Variants in GPRC5D observed in about 807,000 individuals in gnomAD.
The protein encoded by GPRC5D is G protein-coupled receptor class C group 5 member D, also known as G protein-coupled receptor family C group 5 member D.
In GPRC5D, 20 loss-of-function variants were observed where a neutral mutation model predicts 29.3. The observed-to-expected ratio is 0.68, with a 90% CI of 0.48 to 0.99. The LOEUF (loss-of-function observed/expected upper bound fraction) is 0.99, where lower values mean the gene tolerates loss of function less well. Ranked by LOEUF, GPRC5D falls within the 50% of genes least tolerant of loss-of-function variation. The probability of loss-of-function intolerance (pLI) is 0.00; values close to 1 mark genes in which losing one functional copy is unlikely to be tolerated. For missense variants in GPRC5D, 384 were observed against 423.6 expected, an observed-to-expected ratio of 0.91 and a Z score of 0.82; for synonymous variants, 178 against 171.3, an observed-to-expected ratio of 1.04 and a Z score of -0.30.
At chr12:12,942,283 T>C in exon 2 of GPRC5D, 5 of 1,611,788 alleles carry the variant, frequency 3.1e-6, no homozygotes, top group Middle Eastern at 1.6e-4. Context: ...GGGAGTACCA[T>C]ATGAAGTTAA....
chr12:12,945,117 C>T (rs1203760621), intron 1 of GPRC5D, among the ~76,000 whole-genome samples: 1 of 151,276 alleles, frequency 6.6e-6, no homozygotes, highest in African/African-American at 2.4e-5. Context: ...GATTCTCCTG[C>T]CTCAGCCTCA....
chr12:12,949,811 A>G (rs1018954975), exon 1 of GPRC5D: 2 of 1,614,020 alleles, frequency 1.2e-6, no homozygotes, highest in South Asian at 1.1e-5. Flanking sequence ...GGGCCACAGA[A>G]GGTGGCTTTG....
chr12:12,944,818 C>T (rs759504257), intron 1 of GPRC5D, among the ~76,000 whole-genome samples: 8,668 of 18,050 alleles, frequency 0.48, 2,927 homozygotes, highest in Non-Finnish European at 0.67. Flanking sequence ...TCCTTCCTTC[C>T]TTCCTTCCTT....
chr12:12,941,643 T>C (rs1295734686), intron 2 of GPRC5D, among the ~76,000 whole-genome samples: 25 of 152,232 alleles, frequency 1.6e-4, no homozygotes. Flanking sequence ...CAGTGTGATG[T>C]TTTTGGCTGT....
chr12:12,940,792 C>T, exon 3 of GPRC5D: 1 of 1,604,990 alleles, frequency 6.2e-7, no homozygotes, highest in Non-Finnish European at 8.5e-7. Flanking sequence ...CCTCCTGCAT[C>T]TTGCTGGGGG....
intron 1 of GPRC5D, among the ~76,000 whole-genome samples, chr12:12,945,560 A>ATT (rs1291582257): frequency 6.6e-6 from 1 of 152,214 alleles, no homozygotes; most frequent in African/African-American, 2.4e-5. Flanking sequence ...ATATTCCAAA[A>ATT]TTTACCAACT....
intron 1 of GPRC5D, among the ~76,000 whole-genome samples, chr12:12,943,942 G>A (rs963172641): frequency 6.6e-6 from 1 of 152,132 alleles, no homozygotes; most frequent in African/African-American, 2.4e-5. Flanking sequence ...TTTATCTGTG[G>A]AGAAGGCAGG....
chr12:12,950,357 C>T, exon 1 of GPRC5D: 5 of 1,609,300 alleles, frequency 3.1e-6, no homozygotes, highest in Non-Finnish European at 4.2e-6. Flanking sequence ...AAATAGTCTC[C>T]AGTGGACTCG....
intron 1 of GPRC5D, 129 bp downstream of exon 2, chr12:12,949,361 T>C: frequency 1.3e-6 from 1 of 751,310 alleles, no homozygotes; most frequent in South Asian, 1.8e-5. Context: ...ATGCTTGAAC[T>C]ATGAAGCCAC....
At chr12:12,943,223 G>A (rs1234700924) in intron 1 of GPRC5D, among the ~76,000 whole-genome samples, 1 of 152,214 alleles carries the variant, frequency 6.6e-6, no homozygotes, top group East Asian at 1.9e-4. Context: ...TGTAAGCTCT[G>A]TGAAGACAGG....
At chr12:12,946,420 CTCTCTCTT>C (rs1226582516) in intron 1 of GPRC5D, among the ~76,000 whole-genome samples, 2 of 42,280 alleles carry the variant, frequency 4.7e-5, no homozygotes, top group South Asian at 1.1e-3. Flanking sequence ...CTCTTTCTCT[CTCTCTCTT>C]TCTCTCTTTC....
intron 1 of GPRC5D, among the ~76,000 whole-genome samples, chr12:12,946,436 TTCTC>T (rs67343880): frequency 0.81 from 115,051 of 142,428 alleles, 48,688 homozygotes; most frequent in Non-Finnish European, 0.91. Flanking sequence ...CTTTCTCTCT[TTCTC>T]TCTCTCTCTC....
At chr12:12,950,291 G>C (rs374307359) in exon 1 of GPRC5D, 2 of 1,613,240 alleles carry the variant, frequency 1.2e-6, no homozygotes, top group Non-Finnish European at 1.7e-6. Flanking sequence ...ACGATGCCAA[G>C]TATGGCCAGG....
At chr12:12,941,088 T>G (rs1863134100) in intron 2 of GPRC5D, among the ~76,000 whole-genome samples, 1 of 152,112 alleles carries the variant, frequency 6.6e-6, no homozygotes, top group Non-Finnish European at 1.5e-5. Flanking sequence ...ATTTTGTAGT[T>G]TTAGTAGAGA....
At chr12:12,944,815 TTCCTTCCTTCCTTCC>T (rs1863242482) in intron 1 of GPRC5D, among the ~76,000 whole-genome samples, 5 of 10,802 alleles carry the variant, frequency 4.6e-4, no homozygotes, top group African/African-American at 8.8e-4. Context: ...CCTTCCTTCC[TTCCTTCCTTCCTTCC>T]TTCCTTCCTT....
At chr12:12,942,145 T>C in intron 2 of GPRC5D, 116 bp downstream of exon 3, 1 of 756,260 alleles carries the variant, frequency 1.3e-6, no homozygotes, top group East Asian at 2.5e-5. Context: ...GGGATGCTCC[T>C]GCTCTGTCTC....
At chr12:12,949,827 G>A (rs567902391) in exon 1 of GPRC5D, 30 of 1,614,102 alleles carry the variant, frequency 1.9e-5, no homozygotes, top group Middle Eastern at 1.6e-4. Context: ...CTTTGGAGAC[G>A]AAGAATGTGA....
In GPRC5D at chr12:12,944,772, TCTTC is replaced by T. The variant is rs1329794496; in HGVS notation, c.896-2448_896-2445del. Among the ~76,000 whole-genome samples the T allele has an allele frequency of 2.6e-3, 67 of 25,412 alleles. 4 individuals carry two copies. The highest frequency in any genetic ancestry group is 4.0e-3 in the African/African-American group (53 of 13,202). The allele number at this position is 25,412 out of a possible 152,430, so 16.7% of individuals were successfully genotyped here. On this transcript the variant is annotated intron_variant, in intron 1 of 2. Coordinates refer to ENST00000228887, the Ensembl canonical transcript of GPRC5D. ...TCCTTCCTTCCTTTCTTCCTTCCTTTCTTCCTTCCTTCCTTCCTTCCTTCCTTCC... is the reference window on the plus strand; with the variant it reads ...TCCTTCCTTCCTTTCTTCCTTCCTTTCTTCCTTCCTTCCTTCCTTCCTTCC...
At chr12:12,942,385 C>T in intron 1 of GPRC5D, 57 bp from the exon 3 acceptor site, 2 of 1,041,762 alleles carry the variant, frequency 1.9e-6, no homozygotes, top group Non-Finnish European at 1.5e-6. Flanking sequence ...TCGGAAACAG[C>T]ACATGAGGAC....
Sources: gnomAD v4.1 joint callset for allele counts (sites outside exome capture counted in the v4.1 genomes callset) on GRCh38, gnomAD v4.1.1 for gene constraint, MANE v1.5 for transcripts, NCBI Gene and HGNC (gene_info 2026-07-23, HGNC 2026-07-21) for gene names.